JMJD1C: variants seen among roughly 807,000 people sequenced by gnomAD.
The protein encoded by JMJD1C is jumonji domain-containing protein 1C.
JMJD1C carries 31 observed loss-of-function variants against 245.3 expected under a neutral mutation model. The ratio of observed to expected loss-of-function variants is 0.13; its 90% CI spans 0.09 to 0.17. The LOEUF (loss-of-function observed/expected upper bound fraction) is 0.17, where lower values mean the gene tolerates loss of function less well. Among genes scored for constraint, JMJD1C ranks in the 10% least tolerant of loss-of-function variants. The pLI is 1.00. For missense variants in JMJD1C, 2,691 were observed against 3,000.2 expected (o/e 0.90, Z 2.41); for synonymous variants, 1,057 against 1,017.4 (o/e 1.04, Z -0.74).
intron 2 of JMJD1C, among the ~76,000 whole-genome samples, chr10:63,286,785 T>C (rs1858032838): frequency 6.6e-6 from 1 of 152,192 alleles, no homozygotes. Context: ...ATCAGCACCC[T>C]GGGAAAGTGG....
chr10:63,492,526 C>T (rs1048588929), intron 1 of JMJD1C, among the ~76,000 whole-genome samples: 2 of 151,372 alleles, frequency 1.3e-5, no homozygotes, highest in African/African-American at 2.4e-5. Context: ...ATTAGCTGGG[C>T]GTGGTGGCGT....
At chr10:63,371,972 T>C (rs1384612956) in intron 2 of JMJD1C, among the ~76,000 whole-genome samples, 1 of 152,230 alleles carries the variant, frequency 6.6e-6, no homozygotes, top group Non-Finnish European at 1.5e-5. Context: ...TAAATGAACA[T>C]ACTCCAAAGT....
intron 1 of JMJD1C, chr10:63,427,761 G>A: frequency 7.4e-7 from 1 of 1,360,062 alleles, no homozygotes; most frequent in East Asian, 2.3e-5. Context: ...AAAGCAACGT[G>A]ACCAAGACTA....
chr10:63,475,363 T>C (rs1031027586), intron 1 of JMJD1C, among the ~76,000 whole-genome samples: 1 of 152,212 alleles, frequency 6.6e-6, no homozygotes, highest in African/African-American at 2.4e-5. Context: ...CTGAAAACTA[T>C]GTTTTACTTA....
At chr10:63,196,358 G>A (rs917557187) in intron 13 of JMJD1C, among the ~76,000 whole-genome samples, 9 of 151,864 alleles carry the variant, frequency 5.9e-5, no homozygotes, top group Admixed American at 5.3e-4. Context: ...AGCATTTATG[G>A]TAGCTTACAT....
rs771784124 is a variant in JMJD1C, at chr10:63,213,766, G to T, written c.2401C>A (p.Pro801Thr). 6.2e-7 allele frequency: 1 copy of T among 1,614,028 alleles called. No homozygotes were observed. The highest frequency in any genetic ancestry group is 1.3e-5 in the African/African-American group (1 of 74,946). The change falls in exon 8 of 26, where the codon CCT (proline) becomes ACT (threonine). Residue 801 changes from proline to threonine, a missense_variant. Pro to Thr is a conservative substitution (Grantham distance 38). Around this residue, in one of 9 missense-constraint regions of JMJD1C, gnomAD observed 1,562 missense variants for 1,490.7 expected, o/e 1.05. Coordinates refer to ENST00000399262, the MANE Select transcript of JMJD1C (RefSeq NM_032776.3). ...AGTAAGGAGGCAGTAGGCACTCCAGGTAACACAGTGGGAAGTAAATGAGGG... is the reference window on the plus strand; with the variant it reads ...AGTAAGGAGGCAGTAGGCACTCCAGTTAACACAGTGGGAAGTAAATGAGGG... ...HHPHLLPTVL[P>T]GVPTASLLGG... is the part of the protein sequence containing the mutation.
At chr10:63,395,813 T>C (rs1948447400) in intron 1 of JMJD1C, among the ~76,000 whole-genome samples, 1 of 152,134 alleles carries the variant, frequency 6.6e-6, no homozygotes, top group African/African-American at 2.4e-5. Flanking sequence ...ATTTCTAATG[T>C]TTTAGTATAA....
At chr10:63,394,187 C>CAA (rs35007475) in intron 1 of JMJD1C, among the ~76,000 whole-genome samples, 25,909 of 79,738 alleles carry the variant, frequency 0.32, 3,641 homozygotes, top group Non-Finnish European at 0.41. Flanking sequence ...ACTCCGTCTC[C>CAA]AAAAAAAAAA....
chr10:63,401,578 T>C (rs1948859345), intron 1 of JMJD1C, among the ~76,000 whole-genome samples: 2 of 152,186 alleles, frequency 1.3e-5, no homozygotes, highest in African/African-American at 4.8e-5. Flanking sequence ...TCTGTCTGTT[T>C]CAATGTATTT....
intron 2 of JMJD1C, among the ~76,000 whole-genome samples, chr10:63,371,386 G>C (rs1426930104): frequency 6.6e-6 from 1 of 152,014 alleles, no homozygotes; most frequent in Non-Finnish European, 1.5e-5. Flanking sequence ...CACTTTTAAA[G>C]CTGCATAATA....
chr10:63,387,763 G>A (rs1379413784), intron 1 of JMJD1C, among the ~76,000 whole-genome samples: 1 of 147,344 alleles, frequency 6.8e-6, no homozygotes, highest in African/African-American at 2.5e-5. Flanking sequence ...AGCCTCCGGA[G>A]TAGCTGGGAC....
chr10:63,342,104 T>C (rs1246697371), intron 2 of JMJD1C, among the ~76,000 whole-genome samples: 2 of 152,216 alleles, frequency 1.3e-5, no homozygotes, highest in Admixed American at 1.3e-4. Flanking sequence ...TCACTGTCCA[T>C]CAGTAAGCTA....
intron 2 of JMJD1C, among the ~76,000 whole-genome samples, chr10:63,323,170 G>A (rs1306063672): frequency 6.6e-6 from 1 of 152,156 alleles, no homozygotes; most frequent in Non-Finnish European, 1.5e-5. Flanking sequence ...TGGACAGGTA[G>A]TGCTAAAGCT....
At chr10:63,169,320 T>C (rs1320425786) in intron 24 of JMJD1C, among the ~76,000 whole-genome samples, 1 of 152,198 alleles carries the variant, frequency 6.6e-6, no homozygotes, top group Admixed American at 6.5e-5. Flanking sequence ...TTTCTATTAA[T>C]GCCAGTAAAA....
upstream of JMJD1C, chr10:63,466,151 C>CGGT: frequency 5.3e-6 from 1 of 189,216 alleles, no homozygotes; most frequent in Non-Finnish European, 1.1e-5. Flanking sequence ...GCGGCGGCGG[C>CGGT]GGCGGCAGCG....
At chr10:63,461,306 ATCAT>A (rs1315364192) in intron 1 of JMJD1C, among the ~76,000 whole-genome samples, 3 of 152,200 alleles carry the variant, frequency 2.0e-5, no homozygotes, top group Non-Finnish European at 4.4e-5. Context: ...TGAAGTAAAA[ATCAT>A]TCATTCATTC....
At chr10:63,269,689 A>T (rs1166164608) in intron 2 of JMJD1C, among the ~76,000 whole-genome samples, 2 of 149,996 alleles carry the variant, frequency 1.3e-5, no homozygotes, top group African/African-American at 5.0e-5. Context: ...GCATTTTACT[A>T]AAAAAAAACT....
intron 2 of JMJD1C, among the ~76,000 whole-genome samples, chr10:63,278,064 T>TA (rs144593722): frequency 0.078 from 11,852 of 152,070 alleles, 694 homozygotes; most frequent in East Asian, 0.29. Flanking sequence ...GTTATTAGGT[T>TA]AATAAGATTT....
intron 1 of JMJD1C, among the ~76,000 whole-genome samples, chr10:63,420,272 A>G (rs1370675645): frequency 1.3e-5 from 2 of 152,196 alleles, no homozygotes; most frequent in Non-Finnish European, 2.9e-5. Context: ...GAATCAATAA[A>G]CAACAAAATT....
Sources: allele counts gnomAD v4.1 joint callset (sites outside exome capture counted in the v4.1 genomes callset), GRCh38; gene constraint gnomAD v4.1.1; regional missense constraint gnomAD v4.1.1; transcripts MANE v1.5; gene names NCBI Gene and HGNC (gene_info 2026-07-23, HGNC 2026-07-21).